CDKAL1: variants seen among roughly 807,000 people sequenced by gnomAD.
CDKAL1 encodes threonylcarbamoyladenosine tRNA methylthiotransferase.
In CDKAL1, 32 loss-of-function variants were observed where a neutral mutation model predicts 68.2. The observed-to-expected ratio is 0.47, with a 90% CI of 0.35 to 0.63. The LOEUF (loss-of-function observed/expected upper bound fraction) is 0.63. CDKAL1 is among the 30% of genes least tolerant of loss of function. The pLI, the probability that CDKAL1 is intolerant of heterozygous loss-of-function variation, is 0.00. For missense variants in CDKAL1, 606 were observed against 696.7 expected (o/e 0.87, Z 1.47); for synonymous variants, 234 against 244.3 (o/e 0.96, Z 0.39).
At chr6:20,807,072 G>T (rs1468298474) in intron 8 of CDKAL1, among the ~76,000 whole-genome samples, 1 of 152,170 alleles carries the variant, frequency 6.6e-6, no homozygotes, top group Non-Finnish European at 1.5e-5. Flanking sequence ...ATTTACTCAT[G>T]AAGACTTAGC....
chr6:20,940,508 C>T (rs1763918240), intron 9 of CDKAL1, among the ~76,000 whole-genome samples: 1 of 152,114 alleles, frequency 6.6e-6, no homozygotes, highest in African/African-American at 2.4e-5. Context: ...TAATCAGATA[C>T]TTTAACTCGT....
chr6:20,725,313 G>A (rs893835815), intron 5 of CDKAL1, among the ~76,000 whole-genome samples: 1 of 152,122 alleles, frequency 6.6e-6, no homozygotes, highest in Admixed American at 6.5e-5. Flanking sequence ...ATATACTTGA[G>A]GTTACTTTTG....
At chr6:21,060,514 T>C (rs1395473772) in intron 11 of CDKAL1, among the ~76,000 whole-genome samples, 2 of 152,116 alleles carry the variant, frequency 1.3e-5, no homozygotes, top group Non-Finnish European at 2.9e-5. Context: ...TTTTTCTCTA[T>C]TTTCTATTTC....
chr6:21,100,193 GA>G (rs111731544), intron 12 of CDKAL1, among the ~76,000 whole-genome samples: 3,539 of 145,090 alleles, frequency 0.024, 133 homozygotes, highest in African/African-American at 0.082. Flanking sequence ...CCGTAAGGCT[GA>G]AAAAAAAAAA....
chr6:20,672,146 C>T (rs892071450), intron 5 of CDKAL1, among the ~76,000 whole-genome samples: 3 of 151,778 alleles, frequency 2.0e-5, no homozygotes, highest in African/African-American at 7.3e-5. Context: ...TTCCCTCTCC[C>T]TCTCCCTCTC....
intron 13 of CDKAL1, among the ~76,000 whole-genome samples, chr6:21,159,772 G>A (rs1776822016): frequency 5.3e-5 from 8 of 152,100 alleles, no homozygotes; most frequent in Admixed American, 5.2e-4. Context: ...CTTACCTCCT[G>A]TTCTGAGTCC....
chr6:20,607,165 G>A (rs181864906), intron 4 of CDKAL1, among the ~76,000 whole-genome samples: 4 of 152,294 alleles, frequency 2.6e-5, no homozygotes, highest in African/African-American at 7.2e-5. Context: ...AAGAAAGAAC[G>A]TAAAGTAGTT....
At chr6:20,986,047 T>G (rs1462946001) in intron 10 of CDKAL1, among the ~76,000 whole-genome samples, 2 of 152,222 alleles carry the variant, frequency 1.3e-5, no homozygotes, top group African/African-American at 4.8e-5. Flanking sequence ...TTTTGCTGAT[T>G]CTTATCTCTG....
At chr6:20,859,584 A>G (rs1007093606) in intron 9 of CDKAL1, among the ~76,000 whole-genome samples, 1 of 152,220 alleles carries the variant, frequency 6.6e-6, no homozygotes, top group Non-Finnish European at 1.5e-5. Flanking sequence ...TAACAGTGAT[A>G]GCATTGGTAA....
intron 5 of CDKAL1, among the ~76,000 whole-genome samples, chr6:20,690,678 C>T (rs1770833152): frequency 1.3e-5 from 2 of 151,508 alleles, no homozygotes; most frequent in African/African-American, 2.4e-5. Context: ...TTTATATTGT[C>T]TTTATTATAG....
chr6:20,768,799 T>C (rs1185176471), intron 7 of CDKAL1, among the ~76,000 whole-genome samples: 1 of 151,996 alleles, frequency 6.6e-6, no homozygotes, highest in Non-Finnish European at 1.5e-5. Context: ...GAAAAAGTGA[T>C]TTGAGGGGAT....
In CDKAL1 at chr6:20,624,678, GA is replaced by G. The variant is rs112257683; in HGVS notation, c.287-24606del. ...TTTTTACAATTGACGAGAGTAGTGG[GA>G]AAAAAAAACTGTGGCATGAACATTG... On this transcript the variant is annotated intron_variant, in intron 4 of 15. Transcript: ENST00000274695. Among the ~76,000 whole-genome samples the G allele has an allele frequency of 7.8e-3, 1,182 of 150,576 alleles. 18 individuals are homozygous for G. The highest frequency in any genetic ancestry group is 0.025 in the African/African-American group (1,023 of 41,120).
chr6:21,029,713 A>G (rs959716079), intron 11 of CDKAL1, among the ~76,000 whole-genome samples: 4 of 152,236 alleles, frequency 2.6e-5, no homozygotes, highest in African/African-American at 9.6e-5. Context: ...TACGGCCAGC[A>G]AACACATGAA....
At chr6:20,762,762 G>A (rs920214867) in intron 7 of CDKAL1, among the ~76,000 whole-genome samples, 1 of 152,118 alleles carries the variant, frequency 6.6e-6, no homozygotes, top group African/African-American at 2.4e-5. Context: ...AAGAACTGCT[G>A]GAATAATCTA....
At chr6:21,222,943 ATGTG>A (rs1312063456) in intron 15 of CDKAL1, among the ~76,000 whole-genome samples, 1 of 152,100 alleles carries the variant, frequency 6.6e-6, no homozygotes, top group African/African-American at 2.4e-5. Flanking sequence ...GTGTGTGTGC[ATGTG>A]TGTGTTCAGA....
intron 13 of CDKAL1, among the ~76,000 whole-genome samples, chr6:21,189,700 C>G (rs185370993): frequency 4.6e-5 from 7 of 152,184 alleles, no homozygotes; most frequent in Non-Finnish European, 1.5e-5. Flanking sequence ...GTGTCATGGC[C>G]CTATTTCATT....
At chr6:20,979,177 T>G (rs760192671) in intron 10 of CDKAL1, among the ~76,000 whole-genome samples, 1 of 152,132 alleles carries the variant, frequency 6.6e-6, no homozygotes, top group Non-Finnish European at 1.5e-5. Flanking sequence ...AAAGTCAAAA[T>G]GAAAAATTGT....
rs138279073 is a variant in CDKAL1 at position 20,684,151 on chromosome 6, G to A, written c.371+34774G>A. ...CTAAGTTTTGGCAATTATGAATAAA[G>A]CTGCTTTAGGCCAGGTGTGTTGGCT... On this transcript the variant is annotated intron_variant, in intron 5 of 15. Coordinates refer to ENST00000274695, the MANE Select transcript of CDKAL1 (RefSeq NM_017774.3). Among the ~76,000 whole-genome samples the A allele has an allele frequency of 4.0e-3, 616 of 152,274 alleles. 19 individuals are homozygous for A. Among genetic ancestry groups the A allele is most frequent in the Admixed American group, 0.031 (481 of 15,292 alleles).
chr6:20,799,194 A>G (rs4496779), intron 8 of CDKAL1, among the ~76,000 whole-genome samples: 61,438 of 151,344 alleles, frequency 0.41, 12,718 homozygotes, highest in Non-Finnish European at 0.44. Context: ...CTGGGATTAC[A>G]GGCACGCACC....
Sources: gnomAD v4.1 joint callset for allele counts (sites outside exome capture counted in the v4.1 genomes callset) on GRCh38, gnomAD v4.1.1 for gene constraint, MANE v1.5 for transcripts, NCBI Gene and HGNC (gene_info 2026-07-23, HGNC 2026-07-21) for gene names.